The following GOLGA6L7 variants were observed in gnomAD, a reference collection of about 807,000 sequenced individuals.
GOLGA6L7 encodes the protein golgin A6 family like 7.
A neutral mutation model predicts 68.9 loss-of-function variants in GOLGA6L7; 29 were observed. The observed-to-expected ratio is 0.42, with a 90% CI of 0.31 to 0.57. The LOEUF (loss-of-function observed/expected upper bound fraction) is 0.57. Ranked by LOEUF, GOLGA6L7 falls within the 20% of genes least tolerant of loss-of-function variation. GOLGA6L7 has a pLI of 0.13. For synonymous variants in GOLGA6L7, 133 were observed against 197.4 expected (o/e 0.67, Z 2.73); for missense variants, 396 against 588.4 (o/e 0.67, Z 3.38).
In GOLGA6L7 at chr15:28,842,309, C is replaced by T. The variant is rs1250202366; in HGVS notation, c.1795G>A (p.Gly599Ser). Residue 599 changes from glycine (G) to serine (S), a missense_variant, in exon 9 of 9, where the codon GGC becomes AGC. Physicochemically the swap from Gly to Ser is moderately conservative, Grantham distance 56. This residue lies in a region of GOLGA6L7 where 125 missense variants were observed against 163.3 expected (regional missense o/e 0.77). Transcript: ENST00000567390. ...PGMKNAQERP[G>S]LGSTSCIPFF... is the part of the protein sequence containing the mutation. ...GGGATGCAGGAGGTGCTGCCTAAGC[C>T]TGGGCGCTCCTGGGCGTTCTTCATT... 2.9e-5 allele frequency: 36 copies of T among 1,231,106 alleles called. No individual in the cohort carries two copies. The East Asian group carries it at 1.0e-3, about 35-fold the overall frequency. The allele number at this position is 1,231,106 out of a possible 1,614,324, so 76.3% of individuals were successfully genotyped here.
At position 28,847,009 on chromosome 15, in the gene GOLGA6L7, C is replaced by G. The variant is rs1487342891; in HGVS notation, c.180+55G>C. The G allele has an allele frequency of 4.6e-6, 4 of 865,862 alleles. 1 individual carries two copies. In the African/African-American group the frequency reaches 1.1e-4, roughly 23 times the overall value. The allele number at this position is 865,862 out of a possible 1,614,324, so 53.6% of individuals were successfully genotyped here. A position where few individuals can be genotyped will look rare whatever the true frequency, so the allele number is the denominator to read the frequency against. ...TCCTTCCACAATCTTAACAGTTACC[C>G]TCGACCTCCCCCTTGTGCCCCTTGT... is the stretch of plus-strand genomic sequence containing the variant. On this transcript the variant is annotated intron_variant, in intron 2 of 8. Transcript: ENST00000567390.
Position 28,844,247 on chromosome 15 carries a change from GT to G in GOLGA6L7, c.478del (p.Thr160GlnfsTer7). ...CAGACTCATGGCTTCCCTCTCCTTT[GT>G]TAACTCCTTGATGTACTGCAAACAG... ...ERADKYIKEL[T>X]KEREAMSLEL... is the part of the protein sequence containing the mutation. On this transcript the variant is annotated frameshift_variant, in exon 7 of 9. Transcript: ENST00000567390. LOFTEE classifies it high-confidence loss of function. 1 of 379,586 alleles carries G rather than the reference GT, an allele frequency of 2.6e-6. No homozygotes were observed. The highest frequency in any genetic ancestry group is 3.9e-4 in the Middle Eastern group (1 of 2,548). 23.5% of individuals were successfully genotyped at this position (379,586 alleles called of 1,614,324 possible). A position where few individuals can be genotyped will look rare whatever the true frequency, so the allele number is the denominator to read the frequency against.
At chr15:28,845,218 C>A in intron 6 of GOLGA6L7, 1 of 497,710 alleles carries the variant, frequency 2.0e-6, no homozygotes, top group South Asian at 2.0e-5. Context: ...AGATACTCTT[C>A]TGTACCTTCA....
At position 28,842,611 on chromosome 15, in the gene GOLGA6L7, C is replaced by T. The variant is rs2030231387; in HGVS notation, c.1493G>A (p.Arg498Lys). The change falls in exon 9 of 9, where the codon AGG becomes AAG. Residue 498 changes from arginine to lysine, a missense_variant. This residue lies in a region of GOLGA6L7 where 125 missense variants were observed against 163.3 expected (regional missense o/e 0.77). Coordinates refer to ENST00000567390, the MANE Select transcript of GOLGA6L7 (RefSeq NM_001365371.2). ...QEEQMRKQVE[R>K]LQFKEERLWD... ...CAGCCTCTCCTCCTTGAATTGCAGC[C>T]TCTCCACCTGCTTCCGCATCTGCTC... The T allele has an allele frequency of 7.7e-7, 1 of 1,298,212 alleles. No homozygotes were observed. Among genetic ancestry groups the T allele is most frequent in the African/African-American group, 1.5e-5 (1 of 65,126 alleles). The allele number at this position is 1,298,212 out of a possible 1,614,324, so 80.4% of individuals were successfully genotyped here. A position where few individuals can be genotyped will look rare whatever the true frequency, so the allele number is the denominator to read the frequency against.
At position 28,842,198 on chromosome 15, in the gene GOLGA6L7, C is replaced by T. The variant is rs150500207; in HGVS notation, c.*37G>A. The T allele has an allele frequency of 2.9e-5, 36 of 1,222,072 alleles. No individual in the cohort carries two copies. The South Asian group carries it at 4.2e-4, about 14-fold the overall frequency. The allele number at this position is 1,222,072 out of a possible 1,614,324, so 75.7% of individuals were successfully genotyped here. Reference sequence around the variant, plus strand: ...AGACTGTATTCACAAGGTCACATGGCGGCTTACACTTCTGTAGGCCTTGTT... The same window carrying T: ...AGACTGTATTCACAAGGTCACATGGTGGCTTACACTTCTGTAGGCCTTGTT... On this transcript the variant is annotated 3_prime_UTR_variant, in exon 9 of 9. Transcript: ENST00000567390.
intron 6 of GOLGA6L7, among the ~76,000 whole-genome samples, chr15:28,844,639 A>G (rs2344632): frequency 0.27 from 41,325 of 151,234 alleles, 7,853 homozygotes; most frequent in African/African-American, 0.54. Context: ...GAAGGCACAG[A>G]GAAAGAGACT....
rs2030316090 is a variant in GOLGA6L7, at chr15:28,844,016, G to T, written c.522-141C>A. On this transcript the variant is annotated intron_variant, in intron 7 of 8. Transcript: ENST00000567390. The stretch of plus-strand genomic sequence containing the variant: ...AGGAATTAAAAGTCCCAGGTGGCAG[G>T]CCAGAGAGAAGACATGAGTTGCCTG... The T allele has an allele frequency of 5.0e-6, 3 of 596,182 alleles. No individual in the cohort carries two copies. The East Asian group carries it at 8.5e-5, about 17-fold the overall frequency. 36.9% of individuals were successfully genotyped at this position (596,182 alleles called of 1,614,324 possible).
rs1256239415 is a variant in GOLGA6L7, at chr15:28,842,445, G to A, written c.1659C>T (p.Ser553=). Residue 553 remains serine (S), a synonymous_variant, in exon 9 of 9, where the codon TCC becomes TCT. Transcript: ENST00000567390. ...GGTGGCTCATATCAGAAGGATATTTGGAGGGAGGGAGGCAGGGCTCTGAGC... is the reference window on the plus strand; with the variant it reads ...GGTGGCTCATATCAGAAGGATATTTAGAGGGAGGGAGGCAGGGCTCTGAGC... ...ERCSEPCLPP[S]KYPSDMSHPG... The A allele has an allele frequency of 8.9e-7, 1 of 1,126,564 alleles. No homozygotes were observed. The highest frequency in any genetic ancestry group is 1.1e-6 in the Non-Finnish European group (1 of 885,582). The allele number at this position is 1,126,564 out of a possible 1,614,324, so 69.8% of individuals were successfully genotyped here.
At chr15:28,848,347 A>G (rs2030517077) in intron 1 of GOLGA6L7, among the ~76,000 whole-genome samples, 152 bp downstream of exon 1, 1 of 150,542 alleles carries the variant, frequency 6.6e-6, no homozygotes, top group Non-Finnish European at 1.5e-5. Flanking sequence ...GTTGGGGCTG[A>G]CACAAGATTT....
rs1272172165 is a variant in GOLGA6L7, at chr15:28,841,848, T to C, written c.*387A>G. On this transcript the variant is annotated 3_prime_UTR_variant, in exon 9 of 9. Coordinates refer to ENST00000567390, the MANE Select transcript of GOLGA6L7 (RefSeq NM_001365371.2). ...AGTACTCTCTGGAGGCAGATAAAAC[T>C]TTACTAGGCATGCCATAAGACAAGA... The C allele has an allele frequency of 6.5e-6, 1 of 154,160 alleles. No homozygotes were observed. The highest frequency in any genetic ancestry group is 1.4e-5 in the Non-Finnish European group (1 of 69,286). 9.5% of individuals were successfully genotyped at this position (154,160 alleles called of 1,614,324 possible).
chr15:28,845,028 C>A (rs1353619877), intron 6 of GOLGA6L7: 1 of 260,112 alleles, frequency 3.8e-6, no homozygotes, highest in African/African-American at 2.3e-5. Context: ...TCAGAAGGTA[C>A]AGAAGGGAAA....
chr15:28,845,125 TACACACACACACACACACACACACACAC>T, intron 6 of GOLGA6L7: 1 of 289,414 alleles, frequency 3.5e-6, no homozygotes, highest in East Asian at 8.8e-5. Context: ...AATACGTACG[TACACACACACACACACACACACACACAC>T]ACACACACAC....
chr15:28,843,236 C>G lies in GOLGA6L7; in HGVS notation c.868G>C (p.Glu290Gln), dbSNP rs55828001. ...EQEEQMRKQE[E>Q]QMRKQEEQMR... is the part of the protein sequence containing the mutation. ...TGCTCCTCCTGCTTCCGCATCTGCT[C>G]CTCCTGCTTCCGCATCTGCTCCTCC... The change falls in exon 9 of 9, where the codon GAG (glutamate) becomes CAG (glutamine). Residue 290 changes from glutamate (E) to glutamine (Q), a missense_variant. This residue lies in a region of GOLGA6L7 where 114 missense variants were observed against 186.0 expected (regional missense o/e 0.61). Coordinates refer to ENST00000567390, the MANE Select transcript of GOLGA6L7 (RefSeq NM_001365371.2). The G allele has an allele frequency of 8.2e-7, 1 of 1,218,484 alleles. No individual in the cohort carries two copies. Among genetic ancestry groups the G allele is most frequent in the Non-Finnish European group, 1.0e-6 (1 of 956,436 alleles). The allele number at this position is 1,218,484 out of a possible 1,614,324, so 75.5% of individuals were successfully genotyped here. A position where few individuals can be genotyped will look rare whatever the true frequency, so the allele number is the denominator to read the frequency against.
Position 28,843,432 on chromosome 15 carries a change from G to C in GOLGA6L7, c.672C>G (p.Thr224=), listed in dbSNP as rs2030293565. ...TDKIPLPQVQ[T]NTLQEKMWRQ... is the part of the protein sequence containing the mutation. ...TCCACATCTTCTCCTGCAAAGTGTT[G>C]GTTTGAACCTCAAAAGGAAATAGAG... Residue 224 remains threonine, a synonymous_variant, in exon 9 of 9, where the codon ACC becomes ACG. Transcript: ENST00000567390. The C allele has an allele frequency of 2.5e-6, 2 of 795,582 alleles. No homozygotes were observed. The allele number at this position is 795,582 out of a possible 1,614,324, so 49.3% of individuals were successfully genotyped here. A position where few individuals can be genotyped will look rare whatever the true frequency, so the allele number is the denominator to read the frequency against.
intron 1 of GOLGA6L7, among the ~76,000 whole-genome samples, 192 bp downstream of exon 1, chr15:28,848,307 C>G (rs1050715505): frequency 3.3e-5 from 5 of 151,592 alleles, no homozygotes; most frequent in Middle Eastern, 3.2e-3. Context: ...CTGGGGTGAC[C>G]GGTGAGGGCA....
chr15:28,843,769 T>G lies in GOLGA6L7; in HGVS notation c.628A>C (p.Arg210=), dbSNP rs903621108. ...GGGATTTTGTCCGTCTCCAGTTTCC[T>G]TTTTAGCTCCTTGATGTGGAGCTGG... The part of the protein sequence containing the change: ...EIQLHIKELK[R]KLETDKIPLP... The change falls in exon 8 of 9, where the codon AGG becomes CGG. Residue 210 remains arginine (R), a synonymous_variant. Coordinates refer to ENST00000567390, the MANE Select transcript of GOLGA6L7 (RefSeq NM_001365371.2). The G allele has an allele frequency of 3.0e-6, 2 of 673,454 alleles. No homozygotes were observed. The highest frequency in any genetic ancestry group is 5.2e-6 in the Non-Finnish European group (2 of 382,472). 41.7% of individuals were successfully genotyped at this position (673,454 alleles called of 1,614,324 possible).
rs974042419 is a variant in GOLGA6L7 at position 28,845,584 on chromosome 15, C to G, written c.407G>C (p.Gly136Ala). ...ARLHHSWHFA[G>A]ELQRALSAMS... ...AGCAGAGAGAGCCCGCTGTAACTCTCCTGCAAAGTGCCAGGAATGATGCAG... is the reference window on the plus strand; with the variant it reads ...AGCAGAGAGAGCCCGCTGTAACTCTGCTGCAAAGTGCCAGGAATGATGCAG... Residue 136 changes from glycine (G) to alanine (A), a missense_variant, in exon 6 of 9, where the codon GGA (glycine) becomes GCA (alanine). By Grantham distance (60) the Gly-to-Ala change is moderately conservative. Coordinates refer to ENST00000567390, the MANE Select transcript of GOLGA6L7 (RefSeq NM_001365371.2). The G allele has an allele frequency of 3.8e-6, 3 of 782,844 alleles. No homozygotes were observed. The highest frequency in any genetic ancestry group is 2.9e-5 in the South Asian group (2 of 69,420). 48.5% of individuals were successfully genotyped at this position (782,844 alleles called of 1,614,324 possible). A position where few individuals can be genotyped will look rare whatever the true frequency, so the allele number is the denominator to read the frequency against.
chr15:28,843,119 TCCC>T lies in GOLGA6L7; in HGVS notation c.982_984del (p.Gly328del), dbSNP rs2030271008. On this transcript the variant is annotated inframe_deletion, in exon 9 of 9. Transcript: ENST00000567390. ...TGCTCCCCCATCTGCTCCTCCTGCT[TCCC>T]CATCTGCTCCTCCTGCTTCCGCATC... 1 of 1,046,026 alleles carries T rather than the reference TCCC, an allele frequency of 9.6e-7. No homozygotes were observed. The highest frequency in any genetic ancestry group is 4.4e-5 in the African/African-American group (1 of 22,634). 64.8% of individuals were successfully genotyped at this position (1,046,026 alleles called of 1,614,324 possible). A position where few individuals can be genotyped will look rare whatever the true frequency, so the allele number is the denominator to read the frequency against.
In GOLGA6L7 at chr15:28,842,808, C is replaced by A. The variant is rs1486173775; in HGVS notation, c.1296G>T (p.Gln432His). ...CCTCCTGCTCCCCCATCTGCTCCTC[C>A]TGCTTCCGGATCTGCTCCTCCTGCT... is the stretch of plus-strand genomic sequence containing the variant. The part of the protein sequence containing the change: ...MGEQEEQIRK[Q>H]EEQMGEQEEQ... Residue 432 changes from glutamine to histidine, a missense_variant, in exon 9 of 9, where the codon CAG becomes CAT. Physicochemically the swap from Gln to His is conservative, Grantham distance 24. Around this residue, in one of 5 missense-constraint regions of GOLGA6L7, gnomAD observed 114 missense variants for 186.0 expected, o/e 0.61. Transcript: ENST00000567390. 2.2e-5 allele frequency: 27 copies of A among 1,247,084 alleles called. No homozygotes were observed. The highest frequency in any genetic ancestry group is 1.0e-6 in the Non-Finnish European group (1 of 1,002,508). The allele number at this position is 1,247,084 out of a possible 1,614,324, so 77.3% of individuals were successfully genotyped here. A position where few individuals can be genotyped will look rare whatever the true frequency, so the allele number is the denominator to read the frequency against.
Sources: gnomAD v4.1 joint callset for allele counts (sites outside exome capture counted in the v4.1 genomes callset) on GRCh38, gnomAD v4.1.1 for gene constraint, gnomAD v4.1.1 regional missense constraint, MANE v1.5 for transcripts, NCBI Gene and HGNC (gene_info 2026-07-23, HGNC 2026-07-21) for gene names.